Variants in TRPC5 observed in about 807,000 individuals in gnomAD.
TRPC5 encodes transient receptor potential cation channel subfamily C member 5.
A neutral mutation model predicts 56.5 loss-of-function variants in TRPC5; 9 were observed. The observed-to-expected ratio is 0.16, with a 90% CI of 0.10 to 0.28. The LOEUF is 0.28. Ranked by LOEUF, TRPC5 falls within the 10% of genes least tolerant of loss-of-function variation. TRPC5 has a pLI of 1.00. For synonymous variants in TRPC5, 282 were observed against 278.5 expected, an observed-to-expected ratio of 1.01 and a Z score of -0.13; for missense variants, 469 against 748.9, an observed-to-expected ratio of 0.63 and a Z score of 4.36.
chrX:112,065,629 G>A (rs1311765848), intron 1 of TRPC5, among the ~76,000 whole-genome samples: 3 of 112,110 alleles, frequency 2.7e-5, no homozygotes, highest in Non-Finnish European at 3.8e-5. Flanking sequence ...AGTGGCTCAC[G>A]CCTGTAATCC....
intron 1 of TRPC5, among the ~76,000 whole-genome samples, chrX:112,032,794 T>C (rs933884347): frequency 8.9e-6 from 1 of 112,124 alleles, no homozygotes; most frequent in Non-Finnish European, 1.9e-5. Context: ...GTTTTTGTCT[T>C]TTTTAAAATT....
chrX:111,798,667 G>A (rs1921193266), intron 7 of TRPC5, among the ~76,000 whole-genome samples: 1 of 111,281 alleles, frequency 9.0e-6, no homozygotes, highest in Non-Finnish European at 1.9e-5. Flanking sequence ...AAAAAAAAAA[G>A]GAAATTTGTG....
At chrX:111,916,432 CCTT>C (rs1168930942) in intron 2 of TRPC5, among the ~76,000 whole-genome samples, 15 of 112,049 alleles carry the variant, frequency 1.3e-4, no homozygotes, top group Non-Finnish European at 2.8e-4. Flanking sequence ...GCTTTGTCCT[CCTT>C]CATCATCTTG....
chrX:111,878,588 T>C (rs1444724050), intron 3 of TRPC5, among the ~76,000 whole-genome samples: 1 of 111,419 alleles, frequency 9.0e-6, no homozygotes, highest in African/African-American at 3.3e-5. Flanking sequence ...TACTGTAGGG[T>C]GTTTAGTATT....
chrX:112,031,964 A>C (rs954650795), intron 1 of TRPC5, among the ~76,000 whole-genome samples: 20 of 110,440 alleles, frequency 1.8e-4, no homozygotes, highest in Non-Finnish European at 3.2e-4. Flanking sequence ...GACAACCTGC[A>C]GAATAAGAGA....
At chrX:111,998,405 A>T (rs1928603729) in intron 1 of TRPC5, among the ~76,000 whole-genome samples, 2 of 111,567 alleles carry the variant, frequency 1.8e-5, no homozygotes, top group African/African-American at 6.5e-5. Flanking sequence ...TCATTTCTTT[A>T]TGTTGGGAAT....
intron 1 of TRPC5, among the ~76,000 whole-genome samples, chrX:111,996,806 C>CT (rs1259971214): frequency 3.6e-5 from 4 of 110,671 alleles, no homozygotes; most frequent in African/African-American, 1.0e-4. Flanking sequence ...GCAACCCCTG[C>CT]TTTTTTTGTT....
intron 2 of TRPC5, among the ~76,000 whole-genome samples, chrX:111,929,374 T>C (rs751448207): frequency 4.4e-5 from 5 of 112,612 alleles, no homozygotes; most frequent in Non-Finnish European, 9.4e-5. Flanking sequence ...TTGTGTTCCA[T>C]CAAATTAGCA....
chrX:111,932,546 A>T (rs1266131626), intron 2 of TRPC5, among the ~76,000 whole-genome samples: 1 of 110,755 alleles, frequency 9.0e-6, no homozygotes, highest in Non-Finnish European at 1.9e-5. Context: ...AGCCCTGCCC[A>T]ACTAGACCCC....
chrX:111,954,507 G>A (rs1337361359), intron 1 of TRPC5, among the ~76,000 whole-genome samples: 1 of 111,860 alleles, frequency 8.9e-6, no homozygotes, highest in Non-Finnish European at 1.9e-5. Context: ...GCCTAGTTGG[G>A]TGATGGGTTG....
intron 2 of TRPC5, among the ~76,000 whole-genome samples, chrX:111,920,373 C>T (rs1010142778): frequency 2.7e-5 from 3 of 111,478 alleles, no homozygotes; most frequent in South Asian, 3.8e-4. Context: ...ATATGGAAAC[C>T]GTAAGAGCAC....
At chrX:111,786,419 TAA>T (rs1390192451) in intron 7 of TRPC5, among the ~76,000 whole-genome samples, 2 of 111,564 alleles carry the variant, frequency 1.8e-5, no homozygotes, top group Non-Finnish European at 3.8e-5. Context: ...AATGAAGCAC[TAA>T]ACATGGATAG....
At chrX:112,006,905 G>GA (rs1004100808) in intron 1 of TRPC5, among the ~76,000 whole-genome samples, 4 of 110,394 alleles carry the variant, frequency 3.6e-5, no homozygotes, top group African/African-American at 1.3e-4. Context: ...CCTTGTTAAA[G>GA]AAAAAAAAAT....
At chrX:111,882,777 C>A (rs1368661202) in intron 3 of TRPC5, among the ~76,000 whole-genome samples, 1 of 112,424 alleles carries the variant, frequency 8.9e-6, no homozygotes, top group Non-Finnish European at 1.9e-5. Context: ...AAGTCCTAGT[C>A]GGCCCAGTTA....
chrX:111,881,051 G>T (rs1924188760), intron 3 of TRPC5, among the ~76,000 whole-genome samples: 1 of 112,077 alleles, frequency 8.9e-6, no homozygotes, highest in Non-Finnish European at 1.9e-5. Context: ...AATGCCAATT[G>T]CACATTGTGG....
intron 1 of TRPC5, among the ~76,000 whole-genome samples, chrX:112,013,950 T>C (rs774293147): frequency 9.0e-6 from 1 of 111,707 alleles, no homozygotes; most frequent in South Asian, 3.8e-4. Flanking sequence ...TAAAAATGAC[T>C]CCTCCCTTGA....
intron 1 of TRPC5, among the ~76,000 whole-genome samples, chrX:112,026,071 A>G (rs1336278011): frequency 1.8e-5 from 2 of 112,115 alleles, no homozygotes; most frequent in Non-Finnish European, 3.8e-5. Context: ...GCACTCCTGG[A>G]TGCATCAGTG....
intron 1 of TRPC5, among the ~76,000 whole-genome samples, chrX:111,968,800 A>G (rs1189788426): frequency 3.7e-5 from 3 of 80,789 alleles, no homozygotes; most frequent in South Asian, 8.1e-4. Flanking sequence ...ACAGGAAGGG[A>G]AACATCACAC....
intron 2 of TRPC5, among the ~76,000 whole-genome samples, chrX:111,918,905 G>T (rs1444899347): frequency 9.0e-6 from 1 of 111,138 alleles, no homozygotes; most frequent in Non-Finnish European, 1.9e-5. Flanking sequence ...TCAAGGAGCT[G>T]ATGGGTCAGG....
Sources: gnomAD v4.1 joint callset for allele counts (sites outside exome capture counted in the v4.1 genomes callset) on GRCh38, gnomAD v4.1.1 for gene constraint, MANE v1.5 for transcripts, NCBI Gene and HGNC (gene_info 2026-07-23, HGNC 2026-07-21) for gene names.